CHGB: variants seen among roughly 807,000 people sequenced by gnomAD.
CHGB encodes the protein secretogranin-1.
In CHGB, 46 loss-of-function variants were observed where a neutral mutation model predicts 69.9. The observed-to-expected ratio is 0.66, with a 90% CI of 0.52 to 0.84. The LOEUF is 0.84. CHGB is among the 40% of genes least tolerant of loss of function. The probability of loss-of-function intolerance (pLI) is 0.00; values close to 1 mark genes in which losing one functional copy is unlikely to be tolerated. For missense variants in CHGB, 796 were observed against 822.2 expected (o/e 0.97, Z 0.39); for synonymous variants, 312 against 298.2 (o/e 1.05, Z -0.48).
chr20:5,923,269 T>A lies in CHGB; in HGVS notation c.1125T>A (p.Pro375=). 2 of 1,613,592 alleles carry A rather than the reference T, an allele frequency of 1.2e-6. No individual in the cohort carries two copies. The highest frequency in any genetic ancestry group is 1.7e-6 in the Non-Finnish European group (2 of 1,179,940). ...GTGAAGAATACAGGGCTCCAAGACC[T>A]CAGAGTGAGGAGAGTTGGGATGAGG... is the stretch of plus-strand genomic sequence containing the variant. ...RGSEEYRAPR[P]QSEESWDEED... The change falls in exon 4 of 5, where the codon CCT becomes CCA. Residue 375 remains proline (P), a synonymous_variant. Coordinates refer to ENST00000378961, the MANE Select transcript of CHGB (RefSeq NM_001819.3).
At chr20:5,916,985 A>C in intron 3 of CHGB, 66 bp downstream of exon 3, 1 of 1,380,826 alleles carries the variant, frequency 7.2e-7, no homozygotes, top group Non-Finnish European at 1.0e-6. Flanking sequence ...CTCCCTCCAC[A>C]TCACCTTCTA....
Position 5,923,467 on chromosome 20 carries a change from G to T in CHGB, c.1323G>T (p.Leu441Phe), listed in dbSNP as rs1361651565. Residue 441 changes from leucine to phenylalanine, a missense_variant, in exon 4 of 5, where the codon TTG (leucine) becomes TTT (phenylalanine). Leu to Phe is a conservative substitution (Grantham distance 22). Transcript: ENST00000378961. ...MSDTREEKRF[L>F]GEGHHRVQEN... ...ACACCAGAGAAGAGAAAAGGTTCTT[G>T]GGTGAAGGACACCACCGTGTCCAAG... 3.1e-6 allele frequency: 5 copies of T among 1,614,128 alleles called. No individual in the cohort carries two copies. The highest frequency in any genetic ancestry group is 4.2e-6 in the Non-Finnish European group (5 of 1,180,028).
At chr20:5,924,456 A>G (rs537298056) in intron 4 of CHGB, among the ~76,000 whole-genome samples, 2 of 152,324 alleles carry the variant, frequency 1.3e-5, no homozygotes, top group African/African-American at 4.8e-5. Flanking sequence ...CGTTCAGCCA[A>G]CGTTAACAAC....
chr20:5,912,713 A>G (rs568781458), intron 1 of CHGB, among the ~76,000 whole-genome samples: 1 of 152,256 alleles, frequency 6.6e-6, no homozygotes, highest in East Asian at 1.9e-4. Flanking sequence ...AGAAGTAAGT[A>G]TACTAGCACC....
chr20:5,918,963 C>T (rs6085323), intron 3 of CHGB, among the ~76,000 whole-genome samples: 47,156 of 151,864 alleles, frequency 0.31, 7,674 homozygotes, highest in Middle Eastern at 0.45. Flanking sequence ...ACTCCCAGCC[C>T]ACATACCTCT....
chr20:5,924,107 T>C lies in CHGB; in HGVS notation c.1956+7T>C. 6.3e-7 allele frequency: 1 copy of C among 1,583,732 alleles called. No individual in the cohort carries two copies. The highest frequency in any genetic ancestry group is 8.6e-7 in the Non-Finnish European group (1 of 1,165,934). On this transcript the variant is annotated splice_region_variant and intron_variant, in intron 4 of 4. Transcript: ENST00000378961. ...AGTCCTGACAGAGGACGAGGTATGG[T>C]CTAGGGCTTCTGTTTAAAAGTACTT...
In CHGB at chr20:5,922,786, G is replaced by A. The variant is rs1403368612; in HGVS notation, c.642G>A (p.Val214=). Residue 214 remains valine, a synonymous_variant, in exon 4 of 5, where the codon GTG becomes GTA. Coordinates refer to ENST00000378961, the MANE Select transcript of CHGB (RefSeq NM_001819.3). The part of the protein sequence containing the change: ...QASAIKKEEL[V]ARSETHAAGH... ...CAGCTATAAAAAAAGAGGAGTTAGT[G>A]GCCAGATCGGAAACACATGCTGCCG... 1.2e-6 allele frequency: 2 copies of A among 1,613,990 alleles called. No homozygotes were observed. The highest frequency in any genetic ancestry group is 1.7e-6 in the Non-Finnish European group (2 of 1,180,034).
chr20:5,914,093 CTTTTAACACGAGCAGTAGGTTTTCTTT>C (rs2088462248), intron 1 of CHGB, among the ~76,000 whole-genome samples: 1 of 152,126 alleles, frequency 6.6e-6, no homozygotes, highest in South Asian at 2.1e-4. Flanking sequence ...GATTGCTTTA[CTTTTAACACGAGCAGTAGGTTTTCTTT>C]TTTTTTCGTA....
chr20:5,920,749 C>G (rs1363479320), intron 3 of CHGB, among the ~76,000 whole-genome samples: 1 of 152,182 alleles, frequency 6.6e-6, no homozygotes, highest in East Asian at 1.9e-4. Context: ...TAGCCATGCC[C>G]CAATGCTATA....
chr20:5,924,139 G>C, intron 4 of CHGB, 39 bp downstream of exon 4: 1 of 1,525,720 alleles, frequency 6.6e-7, no homozygotes, highest in South Asian at 1.3e-5. Context: ...ACTTACTCTG[G>C]TCAATGTTAG....
Position 5,922,390 on chromosome 20 carries a change from A to C in CHGB, c.246A>C (p.Glu82Asp). 1 of 1,585,670 alleles carries C rather than the reference A, an allele frequency of 6.3e-7. No homozygotes were observed. The change falls in exon 4 of 5, where the codon GAA becomes GAC. Residue 82 changes from glutamate (E) to aspartate (D), a missense_variant. Physicochemically the swap from Glu to Asp is conservative, Grantham distance 45 (BLOSUM62 2). Around this residue, in one of 3 missense-constraint regions of CHGB, gnomAD observed 518 missense variants for 506.3 expected, o/e 1.02. Transcript: ENST00000378961. ...CTGAAAATGAAAACACAAAGTTTGA[A>C]GTAAGATTGTTAAGAGACCCAGCTG... ...ETTENENTKF[E>D]VRLLRDPADA...
At chr20:5,915,692 G>A (rs961007906) in intron 1 of CHGB, 1 of 152,108 alleles carries the variant, frequency 6.6e-6, no homozygotes, top group Non-Finnish European at 1.5e-5. Flanking sequence ...GACCAAGGAG[G>A]GCATTCTTGT....
rs752205651 is a variant in CHGB, at chr20:5,922,553, C to A, written c.409C>A (p.Pro137Thr). ...GGHSRERADE[P>T]QWSLYPSDSQ... ...GCACAGCCGAGAGCGAGCGGATGAG[C>A]CCCAGTGGAGCCTCTATCCCTCCGA... Residue 137 changes from proline to threonine, a missense_variant, in exon 4 of 5, where the codon CCC becomes ACC. By Grantham distance (38) the Pro-to-Thr change is conservative. Transcript: ENST00000378961. 2 of 1,613,410 alleles carry A rather than the reference C, an allele frequency of 1.2e-6. No individual in the cohort carries two copies. Among genetic ancestry groups the A allele is most frequent in the South Asian group, 2.2e-5 (2 of 91,022 alleles).
intron 3 of CHGB, chr20:5,917,178 T>A: frequency 2.1e-6 from 1 of 486,378 alleles, no homozygotes. Flanking sequence ...TTGAACTCAG[T>A]GATAGTCTTT....
At chr20:5,918,163 A>C (rs868296824) in intron 3 of CHGB, among the ~76,000 whole-genome samples, 4 of 147,638 alleles carry the variant, frequency 2.7e-5, no homozygotes, top group Admixed American at 6.7e-5. Flanking sequence ...AAAAAAAAAA[A>C]AAAAAAAACT....
chr20:5,922,739 C>A lies in CHGB; in HGVS notation c.595C>A (p.Leu199Ile). 6.2e-7 allele frequency: 1 copy of A among 1,614,108 alleles called. No individual in the cohort carries two copies. The highest frequency in any genetic ancestry group is 8.5e-7 in the Non-Finnish European group (1 of 1,180,034). Reference protein sequence around the residue: ...EEPGETQNAFLNERKQASAIK... With the variant: ...EEPGETQNAFINERKQASAIK... ...GCCAGGAGAGACACAAAACGCTTTT[C>A]TCAATGAAAGAAAGCAGGCTTCAGC... Residue 199 changes from leucine to isoleucine, a missense_variant, in exon 4 of 5, where the codon CTC becomes ATC. Coordinates refer to ENST00000378961, the MANE Select transcript of CHGB (RefSeq NM_001819.3).
In CHGB at chr20:5,923,779, T is replaced by C; in HGVS notation, c.1635T>C (p.Asn545=). 1 of 1,614,102 alleles carries C rather than the reference T, an allele frequency of 6.2e-7. No homozygotes were observed. Among genetic ancestry groups the C allele is most frequent in the Non-Finnish European group, 8.5e-7 (1 of 1,180,008 alleles). The change falls in exon 4 of 5, where the codon AAT becomes AAC. Residue 545 remains asparagine, a synonymous_variant. Coordinates refer to ENST00000378961, the MANE Select transcript of CHGB (RefSeq NM_001819.3). ...HFERRDNMND[N]FLEGEEENEL... ...AAAGAAGAGACAACATGAATGACAA[T>C]TTTCTCGAGGGTGAGGAGGAAAATG...
rs780437020 is a variant in CHGB at position 5,923,769 on chromosome 20, T to C, written c.1625T>C (p.Met542Thr). The change falls in exon 4 of 5, where the codon ATG becomes ACG. Residue 542 changes from methionine (M) to threonine (T), a missense_variant. Physicochemically the swap from Met to Thr is moderately conservative, Grantham distance 81. Transcript: ENST00000378961. ...AGCCATTTTGAAAGAAGAGACAACA[T>C]GAATGACAATTTTCTCGAGGGTGAG... is the stretch of plus-strand genomic sequence containing the variant. The part of the protein sequence containing the change: ...KSSHFERRDN[M>T]NDNFLEGEEE... 6.2e-6 allele frequency: 10 copies of C among 1,614,038 alleles called. No individual in the cohort carries two copies. Among genetic ancestry groups the C allele is most frequent in the Non-Finnish European group, 7.6e-6 (9 of 1,180,022 alleles).
At chr20:5,916,266 G>C (rs577691997) in intron 1 of CHGB, 60 bp from the exon 2 acceptor site, 1 of 1,337,576 alleles carries the variant, frequency 7.5e-7, no homozygotes, top group African/African-American at 1.4e-5. Flanking sequence ...TTGTCAGTTG[G>C]GGTCACACAG....
Sources: gnomAD v4.1 joint callset for allele counts (sites outside exome capture counted in the v4.1 genomes callset) on GRCh38, gnomAD v4.1.1 for gene constraint, gnomAD v4.1.1 regional missense constraint, MANE v1.5 for transcripts, NCBI Gene and HGNC (gene_info 2026-07-23, HGNC 2026-07-21) for gene names.